CCDC146: variants seen among roughly 807,000 people sequenced by gnomAD.
CCDC146 encodes the protein coiled-coil domain-containing protein 146.
Under a neutral mutation model 119.3 loss-of-function variants are expected in CCDC146, and 92 were observed. The ratio of observed to expected loss-of-function variants is 0.77; its 90% confidence interval spans 0.65 to 0.92. CCDC146 has a LOEUF of 0.92. CCDC146 is among the 40% of genes least tolerant of loss of function. The probability of loss-of-function intolerance (pLI) is 0.00; values close to 1 mark genes in which losing one functional copy is unlikely to be tolerated. For missense variants in CCDC146, 1,000 were observed against 1,103.0 expected, an observed-to-expected ratio of 0.91 and a Z score of 1.32; for synonymous variants, 372 against 371.8, an observed-to-expected ratio of 1.00 and a Z score of -0.01.
At chr7:77,239,006 ACT>A (rs61361175) in intron 3 of CCDC146, among the ~76,000 whole-genome samples, 23,378 of 151,976 alleles carry the variant, frequency 0.15, 4,973 homozygotes, top group African/African-American at 0.48. Context: ...CATGAAGTAG[ACT>A]CTTCATTCGT....
intron 1 of CCDC146, among the ~76,000 whole-genome samples, chr7:77,124,320 T>A (rs1184591656): frequency 2.6e-5 from 4 of 152,218 alleles, no homozygotes; most frequent in African/African-American, 4.8e-5. Flanking sequence ...TAGTTAAAGT[T>A]ATAGACACTT....
At position 77,243,304 on chromosome 7, in the gene CCDC146, G is replaced by T. The variant is rs577304603; in HGVS notation, c.449+1404G>T. Among the ~76,000 whole-genome samples, 14 of 152,316 alleles carry T rather than the reference G, an allele frequency of 9.2e-5. 1 individual carries two copies. In the East Asian group the frequency reaches 2.7e-3, roughly 29 times the overall value. The stretch of plus-strand genomic sequence containing the variant: ...GAGACAATGCATACTGACCTGCGGT[G>T]AATAAGAACATTCAAAATGCACATT... On this transcript the variant is annotated intron_variant, in intron 4 of 18. Transcript: ENST00000285871.
At chr7:77,255,107 T>C (rs1392826983) in intron 5 of CCDC146, among the ~76,000 whole-genome samples, 1 of 152,196 alleles carries the variant, frequency 6.6e-6, no homozygotes, top group East Asian at 1.9e-4. Context: ...TGGTCTAAGG[T>C]CACATGTCAC....
chr7:77,185,674 C>G (rs528773085), intron 2 of CCDC146, among the ~76,000 whole-genome samples: 1 of 152,318 alleles, frequency 6.6e-6, no homozygotes, highest in South Asian at 2.1e-4. Context: ...CCTAACTCTT[C>G]AATGTCTAGT....
chr7:77,123,284 G>A (rs1459804411), intron 1 of CCDC146, among the ~76,000 whole-genome samples: 3 of 151,066 alleles, frequency 2.0e-5, no homozygotes, highest in African/African-American at 7.3e-5. Flanking sequence ...TGGTGCGGTG[G>A]AAAGAGCAGG....
intron 5 of CCDC146, among the ~76,000 whole-genome samples, chr7:77,255,670 C>T (rs930725666): frequency 2.6e-5 from 4 of 152,254 alleles, no homozygotes; most frequent in Non-Finnish European, 5.9e-5. Context: ...CCCAGCACTT[C>T]GTCATTAGTA....
chr7:77,289,848 GAC>G (rs1793912356), intron 17 of CCDC146, among the ~76,000 whole-genome samples: 1 of 152,210 alleles, frequency 6.6e-6, no homozygotes, highest in South Asian at 2.1e-4. Context: ...TACACAGATG[GAC>G]ACACACACTC....
chr7:77,235,721 A>G (rs1272738836), intron 2 of CCDC146, among the ~76,000 whole-genome samples: 1 of 152,184 alleles, frequency 6.6e-6, no homozygotes. Flanking sequence ...TTGAGAGATG[A>G]TGAGACTTGG....
intron 2 of CCDC146, among the ~76,000 whole-genome samples, chr7:77,221,742 A>G (rs1792407639): frequency 6.6e-6 from 1 of 152,336 alleles, no homozygotes; most frequent in South Asian, 2.1e-4. Context: ...AAGTGCTCTC[A>G]TGGAGAAATG....
chr7:77,241,243 G>C (rs1792843318), intron 3 of CCDC146, among the ~76,000 whole-genome samples: 1 of 46,292 alleles, frequency 2.2e-5, no homozygotes. Flanking sequence ...ATTTTTAGTA[G>C]AGACGGGGTT....
rs547408018 is a variant in CCDC146 at position 77,209,846 on chromosome 7, AC to A, written c.157-27097del. On this transcript the variant is annotated intron_variant, in intron 2 of 18. Transcript: ENST00000285871. ...AAACAACAGCCCATTCTGTACCTTG[AC>A]CCCTTTTAGCCATGGCTGGAGCTGG... 2.0e-3 allele frequency among the ~76,000 whole-genome samples: 311 copies of A among 152,014 alleles called. 1 individual carries two copies. The highest frequency in any genetic ancestry group is 6.8e-3 in the African/African-American group (282 of 41,474).
chr7:77,154,997 C>A (rs927082656), intron 1 of CCDC146, among the ~76,000 whole-genome samples: 1 of 152,184 alleles, frequency 6.6e-6, no homozygotes, highest in African/African-American at 2.4e-5. Flanking sequence ...ACTTTACAGA[C>A]CTTCTGGAAG....
chr7:77,136,705 T>C (rs1478907151), intron 1 of CCDC146, among the ~76,000 whole-genome samples: 1 of 152,140 alleles, frequency 6.6e-6, no homozygotes, highest in Non-Finnish European at 1.5e-5. Flanking sequence ...AAGGAAAAAA[T>C]TATACTAATT....
chr7:77,251,784 A>T (rs1206611240), intron 4 of CCDC146, among the ~76,000 whole-genome samples: 2 of 152,212 alleles, frequency 1.3e-5, no homozygotes, highest in Admixed American at 1.3e-4. Flanking sequence ...TTTCTCTCAC[A>T]CAGATGTCAG....
At chr7:77,259,631 C>G (rs1376074547) in intron 7 of CCDC146, among the ~76,000 whole-genome samples, 2 of 152,142 alleles carry the variant, frequency 1.3e-5, no homozygotes, top group Non-Finnish European at 2.9e-5. Flanking sequence ...AAAAATTAGG[C>G]AGGCACTAGT....
chr7:77,273,688 T>C lies in CCDC146; in HGVS notation c.1174-6T>C. On this transcript the variant is annotated splice_region_variant and splice_polypyrimidine_tract_variant and intron_variant, in intron 9 of 18. Transcript: ENST00000285871. ...TAAATGCATGTTTTTAAATTTTGAT[T>C]TCCAGATGGAAGCTATCCCCAAAGA... 1 of 1,599,556 alleles carries C rather than the reference T, an allele frequency of 6.3e-7. No homozygotes were observed. Among genetic ancestry groups the C allele is most frequent in the Non-Finnish European group, 8.5e-7 (1 of 1,169,952 alleles).
At chr7:77,199,836 G>C in intron 2 of CCDC146, 1 of 1,576,430 alleles carries the variant, frequency 6.3e-7, no homozygotes, top group Non-Finnish European at 8.6e-7. Flanking sequence ...CGCAGGGCTG[G>C]AGCTGCTTTA....
At chr7:77,216,537 C>T (rs1325418137) in intron 2 of CCDC146, among the ~76,000 whole-genome samples, 1 of 151,982 alleles carries the variant, frequency 6.6e-6, no homozygotes, top group Non-Finnish European at 1.5e-5. Context: ...GGAAATGGAC[C>T]CCTCTTAATG....
At chr7:77,135,580 C>A (rs560743680) in intron 1 of CCDC146, among the ~76,000 whole-genome samples, 1 of 152,064 alleles carries the variant, frequency 6.6e-6, no homozygotes, top group Non-Finnish European at 1.5e-5. Flanking sequence ...ATCAGTTAGC[C>A]TATAGTAATA....
Sources: allele counts gnomAD v4.1 joint callset (sites outside exome capture counted in the v4.1 genomes callset), GRCh38; gene constraint gnomAD v4.1.1; transcripts MANE v1.5; gene names NCBI Gene and HGNC (gene_info 2026-07-23, HGNC 2026-07-21).